Variants in CDH24 observed in about 807,000 individuals in gnomAD.
CDH24 encodes cadherin 24, also known as cadherin-24.
In CDH24, 61 loss-of-function variants were observed where a neutral mutation model predicts 71.2. That is an observed-to-expected ratio of 0.86 (90% CI 0.70 to 1.06). The LOEUF (loss-of-function observed/expected upper bound fraction) is 1.06, where lower values mean the gene tolerates loss of function less well. Ranked by LOEUF, CDH24 falls within the 50% of genes least tolerant of loss-of-function variation. The pLI is 0.00. For synonymous variants in CDH24, 440 were observed against 470.2 expected (o/e 0.94, Z 0.83); for missense variants, 961 against 1,083.7 (o/e 0.89, Z 1.59).
chr14:23,053,892 G>T, intron 6 of CDH24, 143 bp from the exon 7 acceptor site: 1 of 918,604 alleles, frequency 1.1e-6, no homozygotes, highest in Non-Finnish European at 1.6e-6. Flanking sequence ...GAGGGACAGT[G>T]GCCTTGGTGG....
chr14:23,053,820 T>C, intron 6 of CDH24, 71 bp from the exon 7 acceptor site: 11 of 1,444,496 alleles, frequency 7.6e-6, no homozygotes, highest in Non-Finnish European at 1.0e-5. Context: ...TCTTGGAAGG[T>C]GACAAGTCCC....
Position 23,052,476 on chromosome 14 carries a change from G to C in CDH24, c.1360C>G (p.Leu454Val). 1 of 1,613,730 alleles carries C rather than the reference G, an allele frequency of 6.2e-7. No homozygotes were observed. The highest frequency in any genetic ancestry group is 8.5e-7 in the Non-Finnish European group (1 of 1,179,966). ...TTGTGGGCCCTGGAGTCCTCACCGA[G>C]CTCTGTAGCCAGCACAGTGAGGTTG... ...WHNLTVLATE[L>V]DSSAQASRVQ... is the part of the protein sequence containing the mutation. The change falls in exon 8 of 13, where the codon CTC becomes GTC. Residue 454 changes from leucine (L) to valine (V), a missense_variant. Coordinates refer to ENST00000487137, the MANE Select transcript of CDH24 (RefSeq NM_144985.4).
rs374416201 is a variant in CDH24 at position 23,049,042 on chromosome 14, C to T, written c.1831G>A (p.Val611Met). 1 of 1,612,536 alleles carries T rather than the reference C, an allele frequency of 6.2e-7. No homozygotes were observed. The highest frequency in any genetic ancestry group is 8.5e-7 in the Non-Finnish European group (1 of 1,179,820). ...TGALLAIITC[V>M]GALLALVVLF... is the part of the protein sequence containing the mutation. The stretch of plus-strand genomic sequence containing the variant: ...CCTGACTCACCAAGCAGGGCACCCA[C>T]ACAGGTGATGATGGCAAGCAGGGCG... Residue 611 changes from valine to methionine, a missense_variant, in exon 11 of 13, where the codon GTG becomes ATG. By Grantham distance (21) the Val-to-Met change is conservative. Around this residue, in one of 2 missense-constraint regions of CDH24, gnomAD observed 290 missense variants for 272.8 expected, o/e 1.06. Coordinates refer to ENST00000487137, the MANE Select transcript of CDH24 (RefSeq NM_144985.4).
rs979596298 is a variant in CDH24 at position 23,047,274 on chromosome 14, C to T, written c.*620G>A. 6.6e-6 allele frequency: 1 copy of T among 152,652 alleles called. No homozygotes were observed. Among genetic ancestry groups the T allele is most frequent in the African/African-American group, 2.4e-5 (1 of 41,480 alleles). 9.5% of individuals were successfully genotyped at this position (152,652 alleles called of 1,614,324 possible). A position where few individuals can be genotyped will look rare whatever the true frequency, so the allele number is the denominator to read the frequency against. On this transcript the variant is annotated 3_prime_UTR_variant, in exon 13 of 13. Transcript: ENST00000487137. ...GGCGGCCACACGGGAGGCTGGAGCT[C>T]TTGCCCTGGGAGGCAGGCTGGTTCC...
chr14:23,057,132 A>G lies in CDH24; in HGVS notation c.-125+271T>C, dbSNP rs940926849. ...AGGCAAAGAGGGAGAGGAGATGGAA[A>G]AAGGACAAGAGGGAGAGGGAAGGGT... On this transcript the variant is annotated intron_variant, in intron 1 of 12. Coordinates refer to ENST00000487137, the MANE Select transcript of CDH24 (RefSeq NM_144985.4). This position sits in a 1 kb window ranked among gnomAD's most constrained non-coding sequence, Gnocchi z 5.4. Among the ~76,000 whole-genome samples, 2 of 151,806 alleles carry G rather than the reference A, an allele frequency of 1.3e-5. No individual in the cohort carries two copies. The highest frequency in any genetic ancestry group is 4.8e-5 in the African/African-American group (2 of 41,298).
At position 23,048,194 on chromosome 14, in the gene CDH24, C is replaced by A; in HGVS notation, c.2132G>T (p.Arg711Leu). The change falls in exon 12 of 13, where the codon CGC becomes CTC. Residue 711 changes from arginine (R) to leucine (L), a missense_variant. Physicochemically the swap from Arg to Leu is moderately radical, Grantham distance 102 (BLOSUM62 -2). Around this residue, in one of 2 missense-constraint regions of CDH24, gnomAD observed 290 missense variants for 272.8 expected, o/e 1.06. Transcript: ENST00000487137. ...DVAQLLALRL[R>L]EADEDPGVPP... ...TACGCCGGGGTCCTCGTCCGCCTCG[C>A]GGAGCCGCAGCGCCAGGAGCTGCGC... 2 of 1,332,648 alleles carry A rather than the reference C, an allele frequency of 1.5e-6. No individual in the cohort carries two copies. The highest frequency in any genetic ancestry group is 1.8e-5 in the South Asian group (1 of 54,824). 82.6% of individuals were successfully genotyped at this position (1,332,648 alleles called of 1,614,324 possible).
Position 23,054,367 on chromosome 14 carries a change from C to G in CDH24, c.785-39G>C, listed in dbSNP as rs745533323. The G allele has an allele frequency of 6.5e-7, 1 of 1,546,382 alleles. No homozygotes were observed. The highest frequency in any genetic ancestry group is 1.2e-5 in the South Asian group (1 of 80,732). ...AGGGGAGACACCTTCTCAGAGAGGT[C>G]CCCAGCCCTCCTCCCTCCCCACAGC... On this transcript the variant is annotated intron_variant, in intron 5 of 12. Coordinates refer to ENST00000487137, the MANE Select transcript of CDH24 (RefSeq NM_144985.4). The surrounding 1 kb of genome is among the most constrained non-coding windows in gnomAD (Gnocchi z 5.2).
intron 10 of CDH24, 23 bp downstream of exon 10, chr14:23,049,604 C>T (rs767191305): frequency 1.5e-6 from 2 of 1,366,172 alleles, no homozygotes; most frequent in Admixed American, 4.0e-5. Flanking sequence ...CAGGTATGGA[C>T]ATGGCTGTAG....
chr14:23,052,476 G>A lies in CDH24; in HGVS notation c.1360C>T (p.Leu454Phe). The A allele has an allele frequency of 6.2e-7, 1 of 1,613,730 alleles. No homozygotes were observed. Among genetic ancestry groups the A allele is most frequent in the Non-Finnish European group, 8.5e-7 (1 of 1,179,966 alleles). Residue 454 changes from leucine to phenylalanine, a missense_variant, in exon 8 of 13, where the codon CTC becomes TTC. By Grantham distance (22) the Leu-to-Phe change is conservative. Transcript: ENST00000487137. Reference protein sequence around the residue: ...WHNLTVLATELDSSAQASRVQ... With the variant: ...WHNLTVLATEFDSSAQASRVQ... ...TTGTGGGCCCTGGAGTCCTCACCGA[G>A]CTCTGTAGCCAGCACAGTGAGGTTG...
At position 23,055,640 on chromosome 14, in the gene CDH24, G is replaced by T. The variant is rs139370253; in HGVS notation, c.94C>A (p.Arg32=). ...AAPARAWAGS[R]EHPGPALLRT... ...AGCAGAGCAGGCCCTGGGTGTTCCC[G>T]GGACCCTGCCCAGGCCCGGGCTGGG... The change falls in exon 2 of 13, where the codon CGG becomes AGG. Residue 32 remains arginine, a synonymous_variant. Coordinates refer to ENST00000487137, the MANE Select transcript of CDH24 (RefSeq NM_144985.4). This position sits in a 1 kb window ranked among gnomAD's most constrained non-coding sequence, Gnocchi z 4.1. The T allele has an allele frequency of 6.2e-7, 1 of 1,612,382 alleles. No individual in the cohort carries two copies. The highest frequency in any genetic ancestry group is 1.3e-5 in the African/African-American group (1 of 74,986).
At position 23,054,327 on chromosome 14, in the gene CDH24, G is replaced by A; in HGVS notation, c.786C>T (p.Ser262=). The change falls in exon 6 of 13, where the codon AGC becomes AGT. Residue 262 remains serine (S), a splice_region_variant and synonymous_variant. Coordinates refer to ENST00000487137, the MANE Select transcript of CDH24 (RefSeq NM_144985.4). The surrounding 1 kb of genome is among the most constrained non-coding windows in gnomAD (Gnocchi z 5.2). ...VNDNPPKFPQ[S]LYQFSVVETA... ...TCTCCACCACGGAGAACTGGTATAG[G>A]CCTTGGGATGACAGAGGGGAGACAC... 6.3e-7 allele frequency: 1 copy of A among 1,583,836 alleles called. No individual in the cohort carries two copies. The highest frequency in any genetic ancestry group is 8.6e-7 in the Non-Finnish European group (1 of 1,161,524).
At chr14:23,049,983 CCA>C (rs780248705) in intron 8 of CDH24, 40 bp from the exon 9 acceptor site, 5 of 1,599,806 alleles carry the variant, frequency 3.1e-6, no homozygotes, top group Non-Finnish European at 4.3e-6. Context: ...CACACACACA[CCA>C]CACAGTTTAC....
chr14:23,048,064 G>T lies in CDH24; in HGVS notation c.2262C>A (p.Gly754=). The change falls in exon 12 of 13, where the codon GGC becomes GGA. Residue 754 remains glycine, a synonymous_variant. Coordinates refer to ENST00000487137, the MANE Select transcript of CDH24 (RefSeq NM_144985.4). ...GSGSEAGGAP[G]PAEPLDDWGP... ...CCCAGTCGTCCAGCGGCTCCGCGGGGCCGGGGGCGCCGCCGGCTTCGCTGC... is the reference window on the plus strand; with the variant it reads ...CCCAGTCGTCCAGCGGCTCCGCGGGTCCGGGGGCGCCGCCGGCTTCGCTGC... The T allele has an allele frequency of 2.8e-6, 4 of 1,434,662 alleles. No individual in the cohort carries two copies. The highest frequency in any genetic ancestry group is 3.6e-6 in the Non-Finnish European group (4 of 1,098,796). 88.9% of individuals were successfully genotyped at this position (1,434,662 alleles called of 1,614,324 possible). A position where few individuals can be genotyped will look rare whatever the true frequency, so the allele number is the denominator to read the frequency against.
At position 23,057,496 on chromosome 14, in the gene CDH24, G is replaced by T. The variant is rs2047148376; in HGVS notation, c.-218C>A. On this transcript the variant is annotated 5_prime_UTR_variant, in exon 1 of 13. Transcript: ENST00000487137. The surrounding 1 kb of genome is among the most constrained non-coding windows in gnomAD (Gnocchi z 5.4). The stretch of plus-strand genomic sequence containing the variant: ...GCACAGCCCCGAGCCGATTGGAGCG[G>T]GCGCCGCGGCTCCGCTGCAGGTCTG... 1 of 151,964 alleles carries T rather than the reference G, an allele frequency of 6.6e-6. No individual in the cohort carries two copies. Among genetic ancestry groups the T allele is most frequent in the Non-Finnish European group, 1.5e-5 (1 of 67,946 alleles). The allele number at this position is 151,964 out of a possible 1,614,324, so 9.4% of individuals were successfully genotyped here.
chr14:23,047,990 G>T lies in CDH24; in HGVS notation c.2336C>A (p.Pro779Gln). 1 of 1,357,182 alleles carries T rather than the reference G, an allele frequency of 7.4e-7. No homozygotes were observed. The highest frequency in any genetic ancestry group is 1.7e-5 in the South Asian group (1 of 60,020). 84.1% of individuals were successfully genotyped at this position (1,357,182 alleles called of 1,614,324 possible). ...LAELYGAKEPPAP is the reference protein window; with the variant it reads ...LAELYGAKEPQAP ...GGCCAGCCCGGGCGCTCAGGGGGCC[G>T]GGGGCTCCTTGGCCCCATACAGCTC... Residue 779 changes from proline to glutamine, a missense_variant, in exon 12 of 13, where the codon CCG becomes CAG. By Grantham distance (76) the Pro-to-Gln change is moderately conservative (BLOSUM62 -1). Coordinates refer to ENST00000487137, the MANE Select transcript of CDH24 (RefSeq NM_144985.4).
At position 23,053,572 on chromosome 14, in the gene CDH24, G is replaced by A; in HGVS notation, c.1150C>T (p.Pro384Ser). 1 of 1,612,180 alleles carries A rather than the reference G, an allele frequency of 6.2e-7. No homozygotes were observed. The highest frequency in any genetic ancestry group is 1.7e-5 in the Admixed American group (1 of 59,988). The change falls in exon 7 of 13, where the codon CCT becomes TCT. Residue 384 changes from proline to serine, a missense_variant. By Grantham distance (74) the Pro-to-Ser change is moderately conservative. This residue lies in a region of CDH24 where 671 missense variants were observed against 810.9 expected (regional missense o/e 0.83). Transcript: ENST00000487137. ...AGGGTCCCCGGGGCCTTGTTCTCAG[G>A]CACTGTCAGGTGGTAGGCAGCCTGG... ...FTQAAYHLTV[P>S]ENKAPGTLVG...
Position 23,054,298 on chromosome 14 carries a change from G to A in CDH24, c.815C>T (p.Ala272Val), listed in dbSNP as rs2047108068. ...SLYQFSVVETAGPGTLVGRLR... is the reference protein window; with the variant it reads ...SLYQFSVVETVGPGTLVGRLR... ...CCGGCCCACCAGTGTGCCAGGTCCA[G>A]CTGTCTCCACCACGGAGAACTGGTA... Residue 272 changes from alanine to valine, a missense_variant, in exon 6 of 13, where the codon GCT becomes GTT. Around this residue, in one of 2 missense-constraint regions of CDH24, gnomAD observed 671 missense variants for 810.9 expected, o/e 0.83. Transcript: ENST00000487137. The surrounding 1 kb of genome is among the most constrained non-coding windows in gnomAD (Gnocchi z 5.2). The A allele has an allele frequency of 6.2e-7, 1 of 1,609,310 alleles. No individual in the cohort carries two copies. The highest frequency in any genetic ancestry group is 8.5e-7 in the Non-Finnish European group (1 of 1,177,068).
In CDH24 at chr14:23,054,143, T is replaced by TG; in HGVS notation, c.969dup (p.Lys324GlnfsTer6). ...GCATTAACAGGCAGGAGGCTAACCT[T>TG]GCGGACAGTGAGGAGCCCGTCTCGA... is the stretch of plus-strand genomic sequence containing the variant. On this transcript the variant is annotated frameshift_variant, in exon 6 of 13. Transcript: ENST00000487137. LOFTEE classifies it high-confidence loss of function. The surrounding 1 kb of genome is among the most constrained non-coding windows in gnomAD (Gnocchi z 5.2). 6.3e-7 allele frequency: 1 copy of TG among 1,592,970 alleles called. No homozygotes were observed. Among genetic ancestry groups the TG allele is most frequent in the Non-Finnish European group, 8.6e-7 (1 of 1,167,426 alleles).
chr14:23,049,605 A>G, intron 10 of CDH24, 22 bp downstream of exon 10: 1 of 1,366,280 alleles, frequency 7.3e-7, no homozygotes, highest in Non-Finnish European at 1.0e-6. Flanking sequence ...AGGTATGGAC[A>G]TGGCTGTAGG....
Sources: allele counts gnomAD v4.1 joint callset (sites outside exome capture counted in the v4.1 genomes callset), GRCh38; gene constraint gnomAD v4.1.1; regional missense constraint gnomAD v4.1.1; non-coding constraint Gnocchi (gnomAD v3.1); transcripts MANE v1.5; gene names NCBI Gene and HGNC (gene_info 2026-07-23, HGNC 2026-07-21).